SPTB: variants seen among roughly 807,000 people sequenced by gnomAD.
The protein encoded by SPTB is spectrin beta chain, erythrocytic.
SPTB carries 45 observed loss-of-function variants against 256.2 expected under a neutral mutation model. The observed-to-expected ratio is 0.18, with a 90% CI of 0.14 to 0.23. SPTB has a LOEUF of 0.23. Ranked by LOEUF, SPTB falls within the 10% of genes least tolerant of loss-of-function variation. The pLI is 1.00. For synonymous variants in SPTB, 1,231 were observed against 1,243.1 expected (o/e 0.99, Z 0.21); for missense variants, 2,715 against 3,040.4 (o/e 0.89, Z 2.52).
intron 27 of SPTB, among the ~76,000 whole-genome samples, chr14:64,770,664 G>A (rs2082266232): frequency 6.6e-6 from 1 of 152,216 alleles, no homozygotes; most frequent in Admixed American, 6.5e-5. Context: ...TCTACACTCA[G>A]GACTCTCCTG....
chr14:64,844,234 T>C lies in SPTB; in HGVS notation c.-51-21089A>G, dbSNP rs951057076. Among the ~76,000 whole-genome samples the C allele has an allele frequency of 6.6e-5, 10 of 152,256 alleles. No homozygotes were observed. Among genetic ancestry groups the C allele is most frequent in the African/African-American group, 2.4e-4 (10 of 41,530 alleles). ...GCTAGAAAGCCCAGCCTGTCTTTAT[T>C]ATTATAGTTACCCTTGACTGCCAGC... On this transcript the variant is annotated intron_variant, in intron 1 of 35. Coordinates refer to ENST00000644917, the MANE Select transcript of SPTB (RefSeq NM_001355436.2). This position sits in a 1 kb window ranked among gnomAD's most constrained non-coding sequence, Gnocchi z 4.1.
rs1027920365 is a variant in SPTB, at chr14:64,852,062, T to C, written c.-52+27730A>G. ...TAAAAAGCCCCCAGTAGCTTGCAGT[T>C]GAGTATTTGAAAAGTTGTAAAAACA... On this transcript the variant is annotated intron_variant, in intron 1 of 35. Transcript: ENST00000644917. The surrounding 1 kb of genome is among the most constrained non-coding windows in gnomAD (Gnocchi z 4.2). Among the ~76,000 whole-genome samples, 2 of 152,072 alleles carry C rather than the reference T, an allele frequency of 1.3e-5. No homozygotes were observed. The highest frequency in any genetic ancestry group is 2.1e-4 in the South Asian group (1 of 4,820).
At chr14:64,831,105 G>C (rs2083445829) in intron 1 of SPTB, among the ~76,000 whole-genome samples, 1 of 152,048 alleles carries the variant, frequency 6.6e-6, no homozygotes, top group Admixed American at 6.5e-5. Context: ...CTCAGGGAAA[G>C]CTGGTGGTGA....
At chr14:64,849,158 C>T (rs2083739499) in intron 1 of SPTB, among the ~76,000 whole-genome samples, 1 of 152,162 alleles carries the variant, frequency 6.6e-6, no homozygotes, top group Non-Finnish European at 1.5e-5. Context: ...AAAATAATAA[C>T]ATGTTTGATT....
intron 32 of SPTB, chr14:64,756,069 G>A (rs1408478263): frequency 6.6e-6 from 1 of 152,254 alleles, no homozygotes; most frequent in Non-Finnish European, 1.5e-5. Context: ...AGACAAAGGT[G>A]GAGACTTGAG....
intron 2 of SPTB, among the ~76,000 whole-genome samples, chr14:64,818,622 G>A (rs974041338): frequency 4.6e-5 from 7 of 152,300 alleles, no homozygotes; most frequent in Non-Finnish European, 8.8e-5. Flanking sequence ...CTGGGGTGAG[G>A]AGAGGGAGAC....
At position 64,770,865 on chromosome 14, in the gene SPTB, C is replaced by T; in HGVS notation, c.5798+20G>A. 1 of 1,613,940 alleles carries T rather than the reference C, an allele frequency of 6.2e-7. No homozygotes were observed. The highest frequency in any genetic ancestry group is 8.5e-7 in the Non-Finnish European group (1 of 1,180,022). ...TGGCCTGGAGAGGAGCTGCCTCTGC[C>T]TCAAGGACACTCCCCTCACCTGGGC... On this transcript the variant is annotated intron_variant, in intron 27 of 35. Coordinates refer to ENST00000644917, the MANE Select transcript of SPTB (RefSeq NM_001355436.2).
In SPTB at chr14:64,758,967, G is replaced by A. The variant is rs1381364945; in HGVS notation, c.6346-5174C>T. ...TGGGGGCCTTATCAGGGAAGGGGGT[G>A]GGGGAGGCTGGAGATGGGGTAGATG... is the stretch of plus-strand genomic sequence containing the variant. On this transcript the variant is annotated intron_variant, in intron 32 of 35. Coordinates refer to ENST00000644917, the MANE Select transcript of SPTB (RefSeq NM_001355436.2). The surrounding 1 kb of genome is among the most constrained non-coding windows in gnomAD (Gnocchi z 4.6). Among the ~76,000 whole-genome samples, 1 of 152,116 alleles carries A rather than the reference G, an allele frequency of 6.6e-6. No homozygotes were observed. Among genetic ancestry groups the A allele is most frequent in the Non-Finnish European group, 1.5e-5 (1 of 68,028 alleles).
At chr14:64,813,515 G>A (rs1488289641) in intron 2 of SPTB, among the ~76,000 whole-genome samples, 1 of 151,230 alleles carries the variant, frequency 6.6e-6, no homozygotes, top group African/African-American at 2.4e-5. Context: ...TTTTGTTGTT[G>A]TTGTTTTCTG....
At chr14:64,770,860 T>G in intron 27 of SPTB, 25 bp downstream of exon 27, 1 of 1,613,850 alleles carries the variant, frequency 6.2e-7, no homozygotes. Context: ...AGGAGCTGCC[T>G]CTGCCTCAAG....
chr14:64,749,500 T>A lies in SPTB; in HGVS notation c.6820-27A>T, dbSNP rs891121899. 6.3e-7 allele frequency: 1 copy of A among 1,597,242 alleles called. No individual in the cohort carries two copies. The highest frequency in any genetic ancestry group is 8.5e-7 in the Non-Finnish European group (1 of 1,177,500). On this transcript the variant is annotated intron_variant, in intron 35 of 35. Coordinates refer to ENST00000644917, the MANE Select transcript of SPTB (RefSeq NM_001355436.2). This position sits in a 1 kb window ranked among gnomAD's most constrained non-coding sequence, Gnocchi z 4.7. The stretch of plus-strand genomic sequence containing the variant: ...TGCGGGGCGGAGGGTCACGGTGGAG[T>A]CTGGAGGCCCACAGCCCCCCACCTC...
rs1447609975 is a variant in SPTB, at chr14:64,825,740, C to T, written c.-51-2595G>A. 6.6e-6 allele frequency among the ~76,000 whole-genome samples: 1 copy of T among 152,240 alleles called. No homozygotes were observed. The highest frequency in any genetic ancestry group is 1.5e-5 in the Non-Finnish European group (1 of 68,040). ...GAGAGTGAGATTACCTTTGCCATGG[C>T]TCCGTAAATAAGTCTGCCCCAGAAA... On this transcript the variant is annotated intron_variant, in intron 1 of 35. Coordinates refer to ENST00000644917, the MANE Select transcript of SPTB (RefSeq NM_001355436.2). The surrounding 1 kb of genome is among the most constrained non-coding windows in gnomAD (Gnocchi z 4.8).
intron 19 of SPTB, among the ~76,000 whole-genome samples, chr14:64,782,911 T>C (rs1484940702): frequency 1.3e-5 from 2 of 150,284 alleles, no homozygotes; most frequent in African/African-American, 4.9e-5. Context: ...TAGACATGGC[T>C]GGTAGGGGAA....
At position 64,807,945 on chromosome 14, in the gene SPTB, G is replaced by A. The variant is rs575825909; in HGVS notation, c.149-2855C>T. Among the ~76,000 whole-genome samples, 1 of 152,362 alleles carries A rather than the reference G, an allele frequency of 6.6e-6. No homozygotes were observed. The highest frequency in any genetic ancestry group is 6.5e-5 in the Admixed American group (1 of 15,308). On this transcript the variant is annotated intron_variant, in intron 2 of 35. Transcript: ENST00000644917. This position sits in a 1 kb window ranked among gnomAD's most constrained non-coding sequence, Gnocchi z 4.7. ...GCCCTAACCCTGCCAGTGCAGGAAG[G>A]GGGTGAGTCCACCAGCATGGACTGG...
rs1260442296 is a variant in SPTB, at chr14:64,795,949, GA to G, written c.1342-311del. 1.3e-5 allele frequency among the ~76,000 whole-genome samples: 2 copies of G among 152,180 alleles called. No individual in the cohort carries two copies. Among genetic ancestry groups the G allele is most frequent in the Non-Finnish European group, 2.9e-5 (2 of 68,028 alleles). On this transcript the variant is annotated intron_variant, in intron 11 of 35. Coordinates refer to ENST00000644917, the MANE Select transcript of SPTB (RefSeq NM_001355436.2). The surrounding 1 kb of genome is among the most constrained non-coding windows in gnomAD (Gnocchi z 6.5). ...TGGCACTCCCCACATGCCTCGAGTG[GA>G]CCTGTTGGATTTGGGGCAGGAAGGG... is the stretch of plus-strand genomic sequence containing the variant.
chr14:64,854,500 G>A (rs569553384), intron 1 of SPTB, among the ~76,000 whole-genome samples: 5 of 151,522 alleles, frequency 3.3e-5, no homozygotes, highest in Non-Finnish European at 5.9e-5. Context: ...GGATGGTCTC[G>A]ATCTCCTGAC....
intron 1 of SPTB, among the ~76,000 whole-genome samples, chr14:64,857,939 G>A (rs990968166): frequency 6.6e-6 from 1 of 152,088 alleles, no homozygotes; most frequent in Admixed American, 6.5e-5. Context: ...TAGCATTTTT[G>A]TTCACCCGTC....
intron 2 of SPTB, among the ~76,000 whole-genome samples, chr14:64,809,106 C>T (rs1007169228): frequency 1.1e-4 from 16 of 151,540 alleles, no homozygotes; most frequent in Admixed American, 7.9e-4. Flanking sequence ...ATTAAAAATA[C>T]AAAAAATTAG....
At chr14:64,831,787 C>T (rs993562944) in intron 1 of SPTB, among the ~76,000 whole-genome samples, 1 of 152,162 alleles carries the variant, frequency 6.6e-6, no homozygotes. Flanking sequence ...TGAATGAACA[C>T]GTGGAGGGCA....
Sources: gnomAD v4.1 joint callset for allele counts (sites outside exome capture counted in the v4.1 genomes callset) on GRCh38, gnomAD v4.1.1 for gene constraint, Gnocchi (gnomAD v3.1) non-coding constraint, MANE v1.5 for transcripts, NCBI Gene and HGNC (gene_info 2026-07-23, HGNC 2026-07-21) for gene names.